MAN1C1: variants seen among roughly 807,000 people sequenced by gnomAD.
MAN1C1 encodes mannosyl-oligosaccharide 1,2-alpha-mannosidase IC.
In MAN1C1, 49 loss-of-function variants were observed where a neutral mutation model predicts 71.5. The observed-to-expected ratio is 0.69, with a 90% CI of 0.54 to 0.87. The LOEUF (loss-of-function observed/expected upper bound fraction) is 0.87, where lower values mean the gene tolerates loss of function less well. Ranked by LOEUF, MAN1C1 falls within the 40% of genes least tolerant of loss-of-function variation. MAN1C1 has a pLI of 0.00. For synonymous variants in MAN1C1, 352 were observed against 343.7 expected (o/e 1.02, Z -0.27); for missense variants, 743 against 835.0 (o/e 0.89, Z 1.36).
At chr1:25,720,086 G>T (rs756041440) in intron 2 of MAN1C1, among the ~76,000 whole-genome samples, 1 of 152,114 alleles carries the variant, frequency 6.6e-6, no homozygotes, top group African/African-American at 2.4e-5. Context: ...GCCTGGCCTC[G>T]TAGTGGTTTT....
chr1:25,740,804 G>GAAGGGC (rs2047053208), intron 2 of MAN1C1, among the ~76,000 whole-genome samples: 2 of 152,040 alleles, frequency 1.3e-5, no homozygotes, highest in African/African-American at 4.8e-5. Context: ...GGGGAAGAGG[G>GAAGGGC]AAGGGCAAGG....
chr1:25,744,111 T>C (rs1275591780), intron 2 of MAN1C1, among the ~76,000 whole-genome samples: 6 of 152,146 alleles, frequency 3.9e-5, no homozygotes, highest in Non-Finnish European at 2.9e-5. Context: ...AACGTCTGGT[T>C]TGAGGTCCTG....
intron 2 of MAN1C1, among the ~76,000 whole-genome samples, chr1:25,729,477 CTT>C (rs1251495380): frequency 1.0e-4 from 15 of 143,396 alleles, no homozygotes; most frequent in Admixed American, 2.1e-4. Flanking sequence ...TCTTTTTCTT[CTT>C]TTTTTTTTTT....
intron 2 of MAN1C1, among the ~76,000 whole-genome samples, chr1:25,702,244 C>G (rs1557771829): frequency 6.6e-6 from 1 of 152,180 alleles, no homozygotes; most frequent in Non-Finnish European, 1.5e-5. Context: ...CAAGCCGCTT[C>G]TCATTCTTAG....
intron 1 of MAN1C1, among the ~76,000 whole-genome samples, chr1:25,620,829 TC>T (rs1454683960): frequency 1.3e-5 from 2 of 152,178 alleles, no homozygotes; most frequent in Admixed American, 6.5e-5. Flanking sequence ...TTCATGAGCA[TC>T]CCGAGAGATG....
chr1:25,749,655 GC>G (rs1409445917), intron 4 of MAN1C1, among the ~76,000 whole-genome samples: 1 of 152,204 alleles, frequency 6.6e-6, no homozygotes, highest in Non-Finnish European at 1.5e-5. Flanking sequence ...CCATTCTGCT[GC>G]CCAGGTGAGC....
In MAN1C1 at chr1:25,744,804, G is replaced by A. The variant is rs932689713; in HGVS notation, c.638-1864G>A. ...AGATTAGAGGCTAACTCTGAATTCAGGAGGTGCCGCAAAGCCCACGCTGCA... is the reference window on the plus strand; with the variant it reads ...AGATTAGAGGCTAACTCTGAATTCAAGAGGTGCCGCAAAGCCCACGCTGCA... On this transcript the variant is annotated intron_variant, in intron 2 of 11. Transcript: ENST00000374332. 5.9e-5 allele frequency among the ~76,000 whole-genome samples: 9 copies of A among 152,210 alleles called. No homozygotes were observed. In the East Asian group the frequency reaches 1.7e-3, roughly 29 times the overall value.
rs1045477939 is a variant in MAN1C1 at position 25,769,918 on chromosome 1, G to A, written c.1142-1739G>A. 2.0e-5 allele frequency among the ~76,000 whole-genome samples: 3 copies of A among 152,182 alleles called. No homozygotes were observed. Among genetic ancestry groups the A allele is most frequent in the Non-Finnish European group, 2.9e-5 (2 of 68,018 alleles). On this transcript the variant is annotated intron_variant, in intron 7 of 11. Coordinates refer to ENST00000374332, the MANE Select transcript of MAN1C1 (RefSeq NM_020379.4). This position sits in a 1 kb window ranked among gnomAD's most constrained non-coding sequence, Gnocchi z 4.8. ...CTTAATCCCCGTGGCCACCCTATGGGGAGGGACCGGGAGCAGGCTTGTGAG... is the reference window on the plus strand; with the variant it reads ...CTTAATCCCCGTGGCCACCCTATGGAGAGGGACCGGGAGCAGGCTTGTGAG...
At chr1:25,723,598 C>G (rs1227720845) in intron 2 of MAN1C1, among the ~76,000 whole-genome samples, 1 of 152,160 alleles carries the variant, frequency 6.6e-6, no homozygotes, top group Non-Finnish European at 1.5e-5. Flanking sequence ...ATACCGTTGT[C>G]TTAGTGGAGT....
At chr1:25,740,503 C>G (rs1399392602) in intron 2 of MAN1C1, among the ~76,000 whole-genome samples, 1 of 152,152 alleles carries the variant, frequency 6.6e-6, no homozygotes, top group African/African-American at 2.4e-5. Flanking sequence ...GTGGCGCTAT[C>G]TCGGCTCACT....
intron 2 of MAN1C1, among the ~76,000 whole-genome samples, chr1:25,737,065 A>G (rs1453278622): frequency 2.0e-5 from 3 of 152,238 alleles, no homozygotes; most frequent in African/African-American, 7.2e-5. Flanking sequence ...TCTGGGCTTC[A>G]GTTTTGAGAT....
intron 1 of MAN1C1, among the ~76,000 whole-genome samples, chr1:25,683,840 C>G (rs967404341): frequency 6.6e-6 from 1 of 152,100 alleles, no homozygotes; most frequent in Non-Finnish European, 1.5e-5. Context: ...CACCCATGGC[C>G]GGAGTCGGGA....
intron 5 of MAN1C1, among the ~76,000 whole-genome samples, chr1:25,754,362 C>T (rs1220864158): frequency 1.3e-5 from 2 of 152,180 alleles, no homozygotes; most frequent in African/African-American, 2.4e-5. Flanking sequence ...CCCATGGCTC[C>T]GATCACTGTC....
chr1:25,638,009 G>A (rs2045487193), intron 1 of MAN1C1, among the ~76,000 whole-genome samples: 1 of 151,730 alleles, frequency 6.6e-6, no homozygotes, highest in Non-Finnish European at 1.5e-5. Context: ...GTCTGCTTTT[G>A]AATTAGTGTT....
Position 25,782,924 on chromosome 1 carries a change from C to T in MAN1C1, c.1766+224C>T, listed in dbSNP as rs1045239907. On this transcript the variant is annotated intron_variant, in intron 11 of 11. Transcript: ENST00000374332. This position sits in a 1 kb window ranked among gnomAD's most constrained non-coding sequence, Gnocchi z 4.4. ...GAATCCAAGTTCCCTAGGGACGCAC[C>T]GTGTGATACCGCAGGTTCCTTCAGT... is the stretch of plus-strand genomic sequence containing the variant. Among the ~76,000 whole-genome samples, 26 of 152,152 alleles carry T rather than the reference C, an allele frequency of 1.7e-4. No individual in the cohort carries two copies. Among genetic ancestry groups the T allele is most frequent in the African/African-American group, 6.3e-4 (26 of 41,414 alleles).
At chr1:25,717,347 CA>C (rs939053280) in intron 2 of MAN1C1, among the ~76,000 whole-genome samples, 1 of 150,938 alleles carries the variant, frequency 6.6e-6, no homozygotes, top group Non-Finnish European at 1.5e-5. Context: ...CCTGTCTTTA[CA>C]AAAAAAAGAA....
At chr1:25,741,269 T>C (rs543464121) in intron 2 of MAN1C1, among the ~76,000 whole-genome samples, 10 of 152,292 alleles carry the variant, frequency 6.6e-5, no homozygotes, top group African/African-American at 2.4e-4. Context: ...CGTGAGCCAC[T>C]GTGCCTGGCC....
At chr1:25,673,441 A>C (rs1407482848) in intron 1 of MAN1C1, among the ~76,000 whole-genome samples, 4 of 152,194 alleles carry the variant, frequency 2.6e-5, no homozygotes, top group Non-Finnish European at 5.9e-5. Context: ...CAAGTACCTC[A>C]GTTTCCTTAC....
At chr1:25,765,528 T>G (rs564394130) in intron 7 of MAN1C1, among the ~76,000 whole-genome samples, 12 of 152,224 alleles carry the variant, frequency 7.9e-5, no homozygotes, top group African/African-American at 2.9e-4. Context: ...AATGACTGTG[T>G]GGCTTAGGGG....
Sources: allele counts gnomAD v4.1 joint callset (sites outside exome capture counted in the v4.1 genomes callset), GRCh38; gene constraint gnomAD v4.1.1; non-coding constraint Gnocchi (gnomAD v3.1); transcripts MANE v1.5; gene names NCBI Gene and HGNC (gene_info 2026-07-23, HGNC 2026-07-21).